SIK3: variants seen among roughly 807,000 people sequenced by gnomAD.
SIK3 encodes the protein SIK family kinase 3.
A neutral mutation model predicts 144.2 loss-of-function variants in SIK3; 28 were observed. That is an observed-to-expected ratio of 0.19 (90% CI 0.14 to 0.27). The LOEUF (loss-of-function observed/expected upper bound fraction) is 0.27, where lower values mean the gene tolerates loss of function less well. SIK3 is among the 10% of genes least tolerant of loss of function. The pLI is 1.00. For synonymous variants in SIK3, 686 were observed against 676.3 expected (o/e 1.01, Z -0.22); for missense variants, 1,319 against 1,776.0 (o/e 0.74, Z 4.62).
intron 1 of SIK3, among the ~76,000 whole-genome samples, chr11:117,021,956 A>C (rs1287856295): frequency 1.4e-5 from 2 of 144,790 alleles, no homozygotes; most frequent in African/African-American, 5.4e-5. Context: ...AAAAAAAAAA[A>C]AAAAACCTAA....
At chr11:116,948,654 T>A (rs1948787916) in intron 3 of SIK3, among the ~76,000 whole-genome samples, 1 of 152,174 alleles carries the variant, frequency 6.6e-6, no homozygotes, top group African/African-American at 2.4e-5. Context: ...CTTCTCTTTT[T>A]CTCTTCTCTC....
chr11:116,889,602 A>T (rs1292678686), intron 6 of SIK3, among the ~76,000 whole-genome samples: 4 of 152,298 alleles, frequency 2.6e-5, no homozygotes, highest in Admixed American at 6.5e-5. Context: ...AAATATTTTT[A>T]AAAAATATAT....
intron 6 of SIK3, among the ~76,000 whole-genome samples, chr11:116,881,565 T>A (rs541968534): frequency 5.3e-5 from 8 of 152,164 alleles, no homozygotes; most frequent in Admixed American, 1.3e-4. Flanking sequence ...TCCTTGATAA[T>A]AAAACAAATT....
chr11:116,928,516 T>C (rs958544353), intron 3 of SIK3, among the ~76,000 whole-genome samples: 1 of 152,206 alleles, frequency 6.6e-6, no homozygotes, highest in African/African-American at 2.4e-5. Context: ...AATACACAAT[T>C]GTTTTGGTGA....
rs372255370 is a variant in SIK3, at chr11:116,961,105, G to A, written c.274-4041C>T. ...TTCAGGAAAGTCACAGTGAGCCATAGGATGGAACCCACAGCAAGACCCGAC... is the reference window on the plus strand; with the variant it reads ...TTCAGGAAAGTCACAGTGAGCCATAAGATGGAACCCACAGCAAGACCCGAC... On this transcript the variant is annotated intron_variant, in intron 1 of 24. Transcript: ENST00000445177. 2.1e-4 allele frequency among the ~76,000 whole-genome samples: 32 copies of A among 152,342 alleles called. 2 individuals carry two copies. In the South Asian group the frequency reaches 6.6e-3, roughly 32 times the overall value.
intron 4 of SIK3, among the ~76,000 whole-genome samples, chr11:116,913,527 G>A (rs1946451296): frequency 1.5e-5 from 2 of 130,366 alleles, no homozygotes; most frequent in South Asian, 4.9e-4. Context: ...CTCAATATAG[G>A]ATCTTTGCAT....
chr11:116,896,386 A>C lies in SIK3; in HGVS notation c.742-10T>G. The C allele has an allele frequency of 1.2e-6, 2 of 1,612,716 alleles. No individual in the cohort carries two copies. On this transcript the variant is annotated splice_polypyrimidine_tract_variant and intron_variant, in intron 5 of 24. Coordinates refer to ENST00000445177, the MANE Select transcript of SIK3 (RefSeq NM_001366686.3). ...GGACAACTCCAAGGCTCTGCATCCC[A>C]AACAGAGAGGATGTACAATTAATCA...
intron 4 of SIK3, among the ~76,000 whole-genome samples, chr11:116,915,153 T>TGCGC (rs1555093369): frequency 9.0e-4 from 135 of 149,210 alleles, no homozygotes; most frequent in African/African-American, 3.2e-3. Context: ...TGTGTGTGTG[T>TGCGC]GTGTGTGTAT....
chr11:116,929,051 G>C (rs1056259035), intron 3 of SIK3, among the ~76,000 whole-genome samples: 1 of 152,190 alleles, frequency 6.6e-6, no homozygotes, highest in Non-Finnish European at 1.5e-5. Context: ...CTTCCGGTGA[G>C]GTCTGCTATG....
chr11:116,959,223 A>C (rs1949253583), intron 1 of SIK3, among the ~76,000 whole-genome samples: 2 of 152,120 alleles, frequency 1.3e-5, no homozygotes, highest in African/African-American at 4.8e-5. Context: ...AGTCCCAGCT[A>C]CTCAGGAGGC....
intron 4 of SIK3, among the ~76,000 whole-genome samples, chr11:116,901,156 C>T (rs549579492): frequency 5.9e-5 from 9 of 152,338 alleles, no homozygotes; most frequent in Middle Eastern, 6.8e-3. Flanking sequence ...TAAGCCACTG[C>T]GCCCAGCCTC....
intron 1 of SIK3, among the ~76,000 whole-genome samples, chr11:116,979,927 G>A (rs759766216): frequency 9.2e-5 from 14 of 152,126 alleles, no homozygotes; most frequent in Admixed American, 5.2e-4. Flanking sequence ...GGATCCACTA[G>A]ATCAGACAGA....
At chr11:117,054,618 A>G (rs1334856061) in intron 1 of SIK3, among the ~76,000 whole-genome samples, 2 of 152,168 alleles carry the variant, frequency 1.3e-5, no homozygotes, top group Non-Finnish European at 2.9e-5. Flanking sequence ...ATGCAAGCAC[A>G]TGTTTCGGAA....
chr11:117,013,918 G>GTGTGTGTGTGTGTGTA (rs1951394319), intron 1 of SIK3, among the ~76,000 whole-genome samples: 2 of 90,326 alleles, frequency 2.2e-5, no homozygotes, highest in East Asian at 3.0e-4. Flanking sequence ...GGGGGAGGGT[G>GTGTGTGTGTGTGTGTA]TGTGTGTGTG....
intron 1 of SIK3, among the ~76,000 whole-genome samples, chr11:117,039,054 A>G (rs1431665919): frequency 6.6e-6 from 1 of 152,144 alleles, no homozygotes; most frequent in Admixed American, 6.5e-5. Flanking sequence ...CATCTCAAAA[A>G]AAAAAGAAAA....
chr11:117,014,853 T>TA (rs1297061176), intron 1 of SIK3, among the ~76,000 whole-genome samples: 1 of 152,178 alleles, frequency 6.6e-6, no homozygotes, highest in African/African-American at 2.4e-5. Context: ...GGCTTGAGCC[T>TA]AGGAGTTTGA....
At chr11:116,981,978 T>C (rs1950153898) in intron 1 of SIK3, among the ~76,000 whole-genome samples, 1 of 152,262 alleles carries the variant, frequency 6.6e-6, no homozygotes, top group Non-Finnish European at 1.5e-5. Flanking sequence ...TAGTATAAAA[T>C]CTGACTGCAA....
Position 116,859,674 on chromosome 11 carries a change from A to G in SIK3, c.2426-70T>C, listed in dbSNP as rs79847989. ...AGCCAGCCAGAAGTAATGAGAGCTAATGAGAATACTCAGACGACATACCAG... is the reference window on the plus strand; with the variant it reads ...AGCCAGCCAGAAGTAATGAGAGCTAGTGAGAATACTCAGACGACATACCAG... On this transcript the variant is annotated intron_variant, in intron 19 of 24. Coordinates refer to ENST00000445177, the MANE Select transcript of SIK3 (RefSeq NM_001366686.3). 1.5e-3 allele frequency: 2,032 copies of G among 1,325,866 alleles called. 24 individuals are homozygous for G. The East Asian group carries it at 0.034, about 22-fold the overall frequency. The allele number at this position is 1,325,866 out of a possible 1,614,324, so 82.1% of individuals were successfully genotyped here. A position where few individuals can be genotyped will look rare whatever the true frequency, so the allele number is the denominator to read the frequency against.
At chr11:116,934,579 C>T (rs956228551) in intron 3 of SIK3, among the ~76,000 whole-genome samples, 1 of 152,194 alleles carries the variant, frequency 6.6e-6, no homozygotes, top group Non-Finnish European at 1.5e-5. Flanking sequence ...CACATTATCA[C>T]AGGATATGCT....
Sources: gnomAD v4.1 joint callset for allele counts (sites outside exome capture counted in the v4.1 genomes callset) on GRCh38, gnomAD v4.1.1 for gene constraint, MANE v1.5 for transcripts, NCBI Gene and HGNC (gene_info 2026-07-23, HGNC 2026-07-21) for gene names.